The following LBR variants were observed in gnomAD, a reference collection of about 807,000 sequenced individuals.
LBR encodes the protein delta(14)-sterol reductase LBR.
A neutral mutation model predicts 74.3 loss-of-function variants in LBR; 28 were observed. That is an observed-to-expected ratio of 0.38 (90% CI 0.28 to 0.52). The LOEUF (loss-of-function observed/expected upper bound fraction) is 0.52. Ranked by LOEUF, LBR falls within the 20% of genes least tolerant of loss-of-function variation. The pLI is 0.89. For synonymous variants in LBR, 228 were observed against 269.3 expected, an observed-to-expected ratio of 0.85 and a Z score of 1.50; for missense variants, 717 against 760.3, an observed-to-expected ratio of 0.94 and a Z score of 0.67.
At position 225,402,075 on chromosome 1, in the gene LBR, A is replaced by G. The variant is rs1417342169; in HGVS notation, c.*1228T>C. 1.3e-5 allele frequency: 2 copies of G among 152,212 alleles called. No homozygotes were observed. The highest frequency in any genetic ancestry group is 1.5e-5 in the Non-Finnish European group (1 of 68,018). 9.4% of individuals were successfully genotyped at this position (152,212 alleles called of 1,614,324 possible). ...TTACAGGACAATTAAAAATGAGACT[A>G]TATCAACTTCACTAGAATTTAATTG... is the stretch of plus-strand genomic sequence containing the variant. On this transcript the variant is annotated 3_prime_UTR_variant, in exon 14 of 14. Coordinates refer to ENST00000272163, the MANE Select transcript of LBR (RefSeq NM_002296.4).
intron 3 of LBR, among the ~76,000 whole-genome samples, 186 bp downstream of exon 3, chr1:225,421,891 G>A (rs1260844139): frequency 4.6e-5 from 7 of 152,154 alleles, no homozygotes; most frequent in Non-Finnish European, 1.0e-4. Context: ...GTAACTGAAG[G>A]ACATTCTTTT....
upstream of LBR, among the ~76,000 whole-genome samples, chr1:225,428,193 C>T (rs1056147921): frequency 6.6e-6 from 1 of 152,058 alleles, no homozygotes; most frequent in Non-Finnish European, 1.5e-5. Flanking sequence ...GAATCATCCC[C>T]GGCGCTGTCG....
At chr1:225,410,228 G>C in intron 10 of LBR, 63 bp downstream of exon 10, 2 of 1,608,946 alleles carry the variant, frequency 1.2e-6, no homozygotes, top group Non-Finnish European at 1.7e-6. Context: ...CCGAGGCTCT[G>C]ACAGGTCACT....
At chr1:225,412,733 T>C (rs2096108852) in intron 7 of LBR, 88 bp from the exon 8 acceptor site, 1 of 1,190,526 alleles carries the variant, frequency 8.4e-7, no homozygotes, top group Non-Finnish European at 1.2e-6. Flanking sequence ...CAATGCAATG[T>C]TCATTTTTAA....
intron 7 of LBR, chr1:225,413,923 G>A (rs1478989955): frequency 2.2e-6 from 1 of 456,908 alleles, no homozygotes; most frequent in Non-Finnish European, 4.4e-6. Context: ...CCCTCAGAGG[G>A]AAGTGAAAAT....
chr1:225,403,326 G>A lies in LBR; in HGVS notation c.1825C>T (p.Arg609Cys), dbSNP rs776693237. The stretch of plus-strand genomic sequence containing the variant: ...CATTAGTAGATGTATGGAAATATAC[G>A]GTAGGGCACACGCTGACAGTACTTT... ...WEKYCQRVPYRIFPYIY is the reference protein window; with the variant it reads ...WEKYCQRVPYCIFPYIY The change falls in exon 14 of 14, where the codon CGT (arginine) becomes TGT (cysteine). Residue 609 changes from arginine (R) to cysteine (C), a missense_variant. By Grantham distance (180) the Arg-to-Cys change is radical. Transcript: ENST00000272163. The A allele has an allele frequency of 1.9e-6, 3 of 1,613,566 alleles. No homozygotes were observed. Among genetic ancestry groups the A allele is most frequent in the East Asian group, 2.2e-5 (1 of 44,830 alleles).
chr1:225,422,301 G>C, intron 2 of LBR, 24 bp from the exon 3 acceptor site: 1 of 1,588,638 alleles, frequency 6.3e-7, no homozygotes, highest in East Asian at 2.2e-5. Context: ...AGAAGGCAAA[G>C]AGCTTTACCA....
chr1:225,415,159 A>G, intron 7 of LBR, 119 bp downstream of exon 7: 1 of 702,582 alleles, frequency 1.4e-6, no homozygotes, highest in South Asian at 1.7e-5. Context: ...TGCTCTTCCA[A>G]CTACTAAGAA....
At chr1:225,414,860 G>A (rs140476278) in intron 7 of LBR, among the ~76,000 whole-genome samples, 180 of 152,334 alleles carry the variant, frequency 1.2e-3, no homozygotes, top group Non-Finnish European at 1.8e-3. Flanking sequence ...GGTGTCAGAC[G>A]TTTGGGGGTA....
chr1:225,412,471 A>G lies in LBR; in HGVS notation c.1067T>C (p.Leu356Pro), dbSNP rs2096107820. The change falls in exon 8 of 14, where the codon CTG becomes CCG. Residue 356 changes from leucine (L) to proline (P), a missense_variant. By Grantham distance (98) the Leu-to-Pro change is moderately conservative. Coordinates refer to ENST00000272163, the MANE Select transcript of LBR (RefSeq NM_002296.4). ...CTGCTCACCAGAGCTGGCAGGCGAC[A>G]GGTCATTCCGGGGCGCTTTCAAAGA... is the stretch of plus-strand genomic sequence containing the variant. ...MRSLKAPRND[L>P]SPASSGNAVY... 1 of 1,613,962 alleles carries G rather than the reference A, an allele frequency of 6.2e-7. No individual in the cohort carries two copies. The highest frequency in any genetic ancestry group is 8.5e-7 in the Non-Finnish European group (1 of 1,180,010).
At chr1:225,422,506 G>C (rs539781940) in intron 2 of LBR, 1 of 547,350 alleles carries the variant, frequency 1.8e-6, no homozygotes, top group South Asian at 2.0e-5. Flanking sequence ...TTCTTTGAAG[G>C]TATTTCCATG....
intron 6 of LBR, among the ~76,000 whole-genome samples, chr1:225,417,361 T>C (rs1468201308): frequency 6.6e-6 from 1 of 152,184 alleles, no homozygotes; most frequent in Non-Finnish European, 1.5e-5. Context: ...TCTTTAAATA[T>C]ATCCAAGTAA....
intron 5 of LBR, 80 bp downstream of exon 5, chr1:225,419,183 G>A (rs913312845): frequency 9.8e-6 from 13 of 1,329,566 alleles, no homozygotes; most frequent in Middle Eastern, 2.0e-4. Flanking sequence ...TGTCTTCAGA[G>A]AGGCCTTTCC....
At chr1:225,407,454 AG>A (rs1390444456) in intron 10 of LBR, among the ~76,000 whole-genome samples, 1 of 152,374 alleles carries the variant, frequency 6.6e-6, no homozygotes, top group East Asian at 1.9e-4. Context: ...TTTCCACAGA[AG>A]AAATTAAGCT....
In LBR at chr1:225,418,038, G is replaced by A. The variant is rs767512887; in HGVS notation, c.783C>T (p.Val261=). 1.9e-6 allele frequency: 3 copies of A among 1,614,084 alleles called. No individual in the cohort carries two copies. Among genetic ancestry groups the A allele is most frequent in the Admixed American group, 1.7e-5 (1 of 60,008 alleles). The part of the protein sequence containing the change: ...YELWETRVFG[V]YLLWFLIQVL... ...CTTGAATCAAAAACCACAGGAGGTA[G>A]ACCCCAAATACTCTGGTTTCCCATA... The change falls in exon 6 of 14, where the codon GTC becomes GTT. Residue 261 remains valine, a synonymous_variant. Transcript: ENST00000272163.
Position 225,422,094 on chromosome 1 carries a change from A to G in LBR, c.349T>C (p.Leu117=). ...ACAAGTACCAGAATCAGCGGAGTCA[A>G]TTTAACTTCCACTTCCCTCCTTGCT... ...KEARREVEVK[L]TPLILKPFGN... is the part of the protein sequence containing the mutation. Residue 117 remains leucine, a synonymous_variant, in exon 3 of 14, where the codon TTG becomes CTG. Transcript: ENST00000272163. 3 of 1,614,148 alleles carry G rather than the reference A, an allele frequency of 1.9e-6. No individual in the cohort carries two copies. Among genetic ancestry groups the G allele is most frequent in the Non-Finnish European group, 2.5e-6 (3 of 1,180,032 alleles).
chr1:225,425,131 T>C (rs1382680640), intron 1 of LBR, among the ~76,000 whole-genome samples: 1 of 152,036 alleles, frequency 6.6e-6, no homozygotes. Flanking sequence ...TAAGAGCTGA[T>C]GATACAATAA....
chr1:225,407,280 C>T (rs2150945840), intron 10 of LBR, among the ~76,000 whole-genome samples: 2 of 152,302 alleles, frequency 1.3e-5, no homozygotes, highest in South Asian at 4.1e-4. Context: ...AAGACAGAGG[C>T]TGTGTGTTTT....
intron 1 of LBR, among the ~76,000 whole-genome samples, chr1:225,424,944 A>G (rs2150960933): frequency 6.6e-6 from 1 of 152,306 alleles, no homozygotes; most frequent in South Asian, 2.1e-4. Context: ...ATTTCCACAC[A>G]ACAAAACCAG....
Sources: gnomAD v4.1 joint callset for allele counts (sites outside exome capture counted in the v4.1 genomes callset) on GRCh38, gnomAD v4.1.1 for gene constraint, MANE v1.5 for transcripts, NCBI Gene and HGNC (gene_info 2026-07-23, HGNC 2026-07-21) for gene names.